Variants in EFR3B observed in about 807,000 individuals in gnomAD.
EFR3B encodes protein EFR3 homolog B.
EFR3B carries 64 observed loss-of-function variants against 104.7 expected under a neutral mutation model. That is an observed-to-expected ratio of 0.61 (90% CI 0.50 to 0.75). EFR3B has a LOEUF of 0.75. Among genes scored for constraint, EFR3B ranks in the 30% least tolerant of loss-of-function variants. EFR3B has a pLI of 0.00. For missense variants in EFR3B, 750 were observed against 1,078.5 expected, an observed-to-expected ratio of 0.70 and a Z score of 4.27; for synonymous variants, 385 against 417.9, an observed-to-expected ratio of 0.92 and a Z score of 0.96.
At chr2:25,091,616 T>C (rs1669125986) in intron 2 of EFR3B, among the ~76,000 whole-genome samples, 1 of 152,216 alleles carries the variant, frequency 6.6e-6, no homozygotes, top group Non-Finnish European at 1.5e-5. Context: ...GGCATTTGGA[T>C]CTGCAGAAGG....
rs1670298326 is a variant in EFR3B, at chr2:25,130,490, T to C, written c.771-62T>C. ...AGGTGTCCCTCTGCCTCCAAGCTAA[T>C]CTCTTCTCCCTAACACTGCCGGGAG... is the stretch of plus-strand genomic sequence containing the variant. On this transcript the variant is annotated intron_variant, in intron 7 of 22. Coordinates refer to ENST00000403714, the MANE Select transcript of EFR3B (RefSeq NM_014971.2). This position sits in a 1 kb window ranked among gnomAD's most constrained non-coding sequence, Gnocchi z 4.6. 1 of 1,404,528 alleles carries C rather than the reference T, an allele frequency of 7.1e-7. No individual in the cohort carries two copies. Among genetic ancestry groups the C allele is most frequent in the African/African-American group, 1.4e-5 (1 of 69,962 alleles). The allele number at this position is 1,404,528 out of a possible 1,614,324, so 87.0% of individuals were successfully genotyped here.
chr2:25,062,021 T>G (rs1668212639), intron 1 of EFR3B, among the ~76,000 whole-genome samples: 1 of 152,258 alleles, frequency 6.6e-6, no homozygotes, highest in Non-Finnish European at 1.5e-5. Context: ...GTGTAAGCAA[T>G]GGTTTTAATT....
Position 25,137,448 on chromosome 2 carries a change from G to A in EFR3B, c.1668G>A (p.Glu556=), listed in dbSNP as rs1670548088. The change falls in exon 15 of 23, where the codon GAG becomes GAA. Residue 556 remains glutamate, a synonymous_variant. Transcript: ENST00000403714. This position sits in a 1 kb window ranked among gnomAD's most constrained non-coding sequence, Gnocchi z 4.7. ...GCTTGCTGGCCCTCATCAGCATCGAGCTGGCTAACGAGGAGGTGGTGGTGG... is the reference window on the plus strand; with the variant it reads ...GCTTGCTGGCCCTCATCAGCATCGAACTGGCTAACGAGGAGGTGGTGGTGG... ...LYGLLALISI[E]LANEEVVVDL... is the part of the protein sequence containing the mutation. 1 of 1,551,638 alleles carries A rather than the reference G, an allele frequency of 6.4e-7. No homozygotes were observed. Among genetic ancestry groups the A allele is most frequent in the Non-Finnish European group, 8.7e-7 (1 of 1,147,006 alleles).
chr2:25,111,678 T>C (rs1271713936), intron 4 of EFR3B, among the ~76,000 whole-genome samples: 2 of 151,970 alleles, frequency 1.3e-5, no homozygotes, highest in African/African-American at 4.8e-5. Context: ...ATCTCAAGGG[T>C]CATTATAAGA....
intron 1 of EFR3B, among the ~76,000 whole-genome samples, chr2:25,088,239 C>A (rs997281947): frequency 1.3e-5 from 2 of 152,098 alleles, no homozygotes; most frequent in African/African-American, 4.8e-5. Context: ...GTTGTGTCAC[C>A]TTTGCACTGG....
chr2:25,100,523 C>T (rs1573202876), intron 3 of EFR3B, among the ~76,000 whole-genome samples: 1 of 152,032 alleles, frequency 6.6e-6, no homozygotes, highest in African/African-American at 2.4e-5. Flanking sequence ...GACGGAGTCT[C>T]ACTCTTTTGC....
At chr2:25,081,319 C>A (rs1668799370) in intron 1 of EFR3B, 1 of 905,766 alleles carries the variant, frequency 1.1e-6, no homozygotes, top group East Asian at 2.4e-5. Context: ...ATCTCAACTT[C>A]TTTTGAACCT....
At chr2:25,045,855 C>T (rs748266994) in intron 1 of EFR3B, among the ~76,000 whole-genome samples, 4 of 152,086 alleles carry the variant, frequency 2.6e-5, no homozygotes, top group Non-Finnish European at 5.9e-5. Flanking sequence ...CCCGTTTCCC[C>T]GCTGAGGTGA....
chr2:25,075,021 C>T (rs1326019782), intron 1 of EFR3B, among the ~76,000 whole-genome samples: 1 of 152,206 alleles, frequency 6.6e-6, no homozygotes, highest in African/African-American at 2.4e-5. Flanking sequence ...CCAGCCTCCC[C>T]TAGTGTGAAC....
At chr2:25,133,069 C>G (rs1670416120) in intron 11 of EFR3B, 55 bp downstream of exon 11, 6 of 1,458,722 alleles carry the variant, frequency 4.1e-6, no homozygotes, top group Non-Finnish European at 5.6e-6. Context: ...GCTGCATTTT[C>G]TGACCCCCTC....
At position 25,136,777 on chromosome 2, in the gene EFR3B, A is replaced by G. The variant is rs1670527964; in HGVS notation, c.1560+179A>G. ...CTAAAGCTACAAAAATTAACCGGGC[A>G]TGGTGGTGGGCACCTGCAATCCCAG... On this transcript the variant is annotated intron_variant, in intron 14 of 22. Coordinates refer to ENST00000403714, the MANE Select transcript of EFR3B (RefSeq NM_014971.2). This position sits in a 1 kb window ranked among gnomAD's most constrained non-coding sequence, Gnocchi z 4.0. 6.6e-6 allele frequency among the ~76,000 whole-genome samples: 1 copy of G among 152,172 alleles called. No individual in the cohort carries two copies. The highest frequency in any genetic ancestry group is 2.4e-5 in the African/African-American group (1 of 41,442).
At chr2:25,065,806 G>A (rs62143001) in intron 1 of EFR3B, among the ~76,000 whole-genome samples, 64,754 of 152,006 alleles carry the variant, frequency 0.43, 16,685 homozygotes, top group Middle Eastern at 0.61. Flanking sequence ...GCTCTGGGCT[G>A]TTCCCAGCCC....
intron 3 of EFR3B, among the ~76,000 whole-genome samples, chr2:25,096,313 C>A (rs1168876795): frequency 6.6e-6 from 1 of 152,186 alleles, no homozygotes; most frequent in Non-Finnish European, 1.5e-5. Context: ...CGCGCCTGGC[C>A]TCCATGGAAT....
At chr2:25,067,539 A>G (rs546895682) in intron 1 of EFR3B, among the ~76,000 whole-genome samples, 2 of 151,802 alleles carry the variant, frequency 1.3e-5, no homozygotes, top group African/African-American at 2.4e-5. Flanking sequence ...GGTTCAAGCA[A>G]TTCTCCTGCC....
rs118172719 is a variant in EFR3B, at chr2:25,075,179, T to C, written c.8-16146T>C. On this transcript the variant is annotated intron_variant, in intron 1 of 22. Coordinates refer to ENST00000403714, the MANE Select transcript of EFR3B (RefSeq NM_014971.2). ...TTCCTACTTGAGCACATTTTCTTCA[T>C]ATCCCCACCTGGCATATTTATTCTC... Among the ~76,000 whole-genome samples, 256 of 152,336 alleles carry C rather than the reference T, an allele frequency of 1.7e-3. 4 individuals are homozygous for C. The East Asian group carries it at 0.041, about 24-fold the overall frequency.
intron 3 of EFR3B, among the ~76,000 whole-genome samples, chr2:25,097,704 A>G (rs1669319157): frequency 6.6e-6 from 1 of 152,206 alleles, no homozygotes; most frequent in African/African-American, 2.4e-5. Flanking sequence ...TGATGTGCAG[A>G]GCAGCAAAAA....
At chr2:25,072,108 A>G (rs1374010595) in intron 1 of EFR3B, among the ~76,000 whole-genome samples, 1 of 152,168 alleles carries the variant, frequency 6.6e-6, no homozygotes, top group Non-Finnish European at 1.5e-5. Context: ...CAGTGTGGCT[A>G]TGAAGCTCCG....
chr2:25,149,710 A>G lies in EFR3B; in HGVS notation c.2159A>G (p.Glu720Gly). ...CTCCTTCAGCGAGTGCCTGCCGAGG[A>G]GATCACCTATGAGACACTGAAGAAA... ...PEKEERVPAE[E>G]ITYETLKKAI... Residue 720 changes from glutamate to glycine, a missense_variant, in exon 20 of 23, where the codon GAG becomes GGG. Glu to Gly is a moderately conservative substitution (Grantham distance 98). Transcript: ENST00000403714. 6.4e-7 allele frequency: 1 copy of G among 1,551,598 alleles called. No individual in the cohort carries two copies. Among genetic ancestry groups the G allele is most frequent in the East Asian group, 2.4e-5 (1 of 40,918 alleles).
rs13407049 is a variant in EFR3B, at chr2:25,117,902, A to G, written c.364-3771A>G. On this transcript the variant is annotated intron_variant, in intron 4 of 22. Coordinates refer to ENST00000403714, the MANE Select transcript of EFR3B (RefSeq NM_014971.2). ...CTTTGACCAACGTCTCCCTATTTCC[A>G]CTCCCCGCAGCCCCTGGCAATCACC... 5.4e-3 allele frequency among the ~76,000 whole-genome samples: 821 copies of G among 151,838 alleles called. 4 individuals are homozygous for G. Among genetic ancestry groups the G allele is most frequent in the African/African-American group, 0.019 (791 of 41,390 alleles).
Sources: allele counts gnomAD v4.1 joint callset (sites outside exome capture counted in the v4.1 genomes callset), GRCh38; gene constraint gnomAD v4.1.1; non-coding constraint Gnocchi (gnomAD v3.1); transcripts MANE v1.5; gene names NCBI Gene and HGNC (gene_info 2026-07-23, HGNC 2026-07-21).